The following CNTNAP2 variants were observed in gnomAD, a reference collection of about 807,000 sequenced individuals.
CNTNAP2 encodes contactin associated protein 2, also known as contactin-associated protein-like 2.
Under a neutral mutation model 155.2 loss-of-function variants are expected in CNTNAP2, and 98 were observed. The ratio of observed to expected loss-of-function variants is 0.63; its 90% CI spans 0.54 to 0.75. The LOEUF (loss-of-function observed/expected upper bound fraction) is 0.75, where lower values mean the gene tolerates loss of function less well. Ranked by LOEUF, CNTNAP2 falls within the 30% of genes least tolerant of loss-of-function variation. The pLI is 0.00. For missense variants in CNTNAP2, 1,727 were observed against 1,688.1 expected (o/e 1.02, Z -0.40); for synonymous variants, 651 against 631.2 (o/e 1.03, Z -0.47).
chr7:148,357,456 A>C (rs1798538697), intron 21 of CNTNAP2, among the ~76,000 whole-genome samples: 2 of 152,114 alleles, frequency 1.3e-5, no homozygotes, highest in Admixed American at 1.3e-4. Context: ...GTTTTGTGAA[A>C]GGCCCATCTC....
chr7:146,178,756 T>A (rs1798508287), intron 1 of CNTNAP2, among the ~76,000 whole-genome samples: 1 of 152,180 alleles, frequency 6.6e-6, no homozygotes, highest in Non-Finnish European at 1.5e-5. Context: ...CACCTACAGG[T>A]AGAATGAAGA....
chr7:146,745,410 A>T (rs1801792185), intron 1 of CNTNAP2, among the ~76,000 whole-genome samples: 2 of 152,156 alleles, frequency 1.3e-5, no homozygotes, highest in South Asian at 4.1e-4. Flanking sequence ...GAGGATCACA[A>T]AGTCAGTGGG....
intron 11 of CNTNAP2, among the ~76,000 whole-genome samples, chr7:147,522,353 C>A (rs753807127): frequency 6.6e-6 from 1 of 152,036 alleles, no homozygotes; most frequent in Non-Finnish European, 1.5e-5. Context: ...TAACTATTAT[C>A]CAAACCTTCC....
intron 1 of CNTNAP2, among the ~76,000 whole-genome samples, chr7:146,354,411 A>ATTTTTTTTT (rs10641636): frequency 3.7e-5 from 5 of 135,320 alleles, no homozygotes; most frequent in African/African-American, 2.8e-5. Context: ...TCTTGTTAGT[A>ATTTTTTTTT]TTTTTTTTTT....
intron 3 of CNTNAP2, among the ~76,000 whole-genome samples, chr7:146,892,583 C>T (rs1444236808): frequency 6.6e-6 from 1 of 152,152 alleles, no homozygotes; most frequent in Non-Finnish European, 1.5e-5. Context: ...ATTTAGCCAA[C>T]ATGCATCAAA....
rs1414667126 is a variant in CNTNAP2 at position 146,875,115 on chromosome 7, A to G, written c.402+35211A>G. Among the ~76,000 whole-genome samples the G allele has an allele frequency of 2.6e-5, 4 of 152,204 alleles. No individual in the cohort carries two copies. The East Asian group carries it at 7.7e-4, about 29-fold the overall frequency. On this transcript the variant is annotated intron_variant, in intron 3 of 23. Transcript: ENST00000361727. ...ATATATTGACATGAAAGACAGACAT[A>G]GGCTGAAAGGCAAAGACAGGCTCTA...
chr7:147,866,876 C>T (rs976704352), intron 13 of CNTNAP2, among the ~76,000 whole-genome samples: 12 of 152,192 alleles, frequency 7.9e-5, no homozygotes, highest in East Asian at 5.8e-4. Context: ...GAATACAGCA[C>T]GCTGATAGGT....
intron 1 of CNTNAP2, among the ~76,000 whole-genome samples, chr7:146,603,897 C>T (rs1333504034): frequency 7.1e-6 from 1 of 141,444 alleles, no homozygotes; most frequent in African/African-American, 2.7e-5. Flanking sequence ...TGGATCCCTC[C>T]CTTACACCTT....
At chr7:148,117,404 A>C (rs1014302674) in intron 15 of CNTNAP2, among the ~76,000 whole-genome samples, 2 of 152,168 alleles carry the variant, frequency 1.3e-5, no homozygotes, top group Admixed American at 6.6e-5. Context: ...GCCCTAGCCT[A>C]GTCTGGTCAC....
intron 1 of CNTNAP2, among the ~76,000 whole-genome samples, chr7:146,444,814 T>C (rs1724476): frequency 0.43 from 65,280 of 151,586 alleles, 16,976 homozygotes; most frequent in African/African-American, 0.73. Context: ...CCTGCCACCA[T>C]GCCTGGCTAA....
At chr7:146,701,410 C>T (rs568020445) in intron 1 of CNTNAP2, among the ~76,000 whole-genome samples, 1 of 152,148 alleles carries the variant, frequency 6.6e-6, no homozygotes, top group South Asian at 2.1e-4. Flanking sequence ...GGGCCAATGC[C>T]CATACTCTAC....
chr7:147,647,082 G>A (rs1305911864), intron 13 of CNTNAP2, among the ~76,000 whole-genome samples: 9 of 151,490 alleles, frequency 5.9e-5, no homozygotes, highest in Non-Finnish European at 8.8e-5. Flanking sequence ...CTGGGTTCAA[G>A]TGATTCGTGA....
intron 8 of CNTNAP2, among the ~76,000 whole-genome samples, chr7:147,153,814 CTG>C (rs1342890734): frequency 6.6e-6 from 1 of 152,092 alleles, no homozygotes; most frequent in Non-Finnish European, 1.5e-5. Flanking sequence ...CATTCTGACT[CTG>C]TGCTAAAAGG....
At chr7:146,819,840 G>C (rs183138596) in intron 2 of CNTNAP2, among the ~76,000 whole-genome samples, 1 of 151,906 alleles carries the variant, frequency 6.6e-6, no homozygotes, top group African/African-American at 2.4e-5. Flanking sequence ...TGCCATAGTC[G>C]CCAGGAGCTC....
chr7:147,584,520 A>G (rs568266132), intron 12 of CNTNAP2, among the ~76,000 whole-genome samples: 11 of 152,340 alleles, frequency 7.2e-5, no homozygotes, highest in African/African-American at 2.6e-4. Flanking sequence ...GGAAAAATTA[A>G]AGCTGTTGAT....
intron 19 of CNTNAP2, among the ~76,000 whole-genome samples, chr7:148,219,898 T>C (rs970310508): frequency 1.3e-5 from 2 of 152,132 alleles, no homozygotes; most frequent in Non-Finnish European, 2.9e-5. Flanking sequence ...TCAAGATTTT[T>C]CCCATGGGAG....
intron 14 of CNTNAP2, among the ~76,000 whole-genome samples, chr7:147,934,386 C>G (rs758812458): frequency 6.6e-6 from 1 of 152,142 alleles, no homozygotes; most frequent in Non-Finnish European, 1.5e-5. Context: ...AGAGAGAGAA[C>G]TTGTGCAGGG....
chr7:147,546,961 A>G (rs1188196415), intron 11 of CNTNAP2, among the ~76,000 whole-genome samples: 1 of 152,188 alleles, frequency 6.6e-6, no homozygotes. Context: ...GGCAAGAAGC[A>G]AGAGGAACAG....
intron 1 of CNTNAP2, among the ~76,000 whole-genome samples, chr7:146,468,265 A>G (rs1796744237): frequency 6.6e-6 from 1 of 152,150 alleles, no homozygotes; most frequent in African/African-American, 2.4e-5. Flanking sequence ...GATGGAGACA[A>G]TAAAGTGACG....
Sources: gnomAD v4.1 joint callset for allele counts (sites outside exome capture counted in the v4.1 genomes callset) on GRCh38, gnomAD v4.1.1 for gene constraint, MANE v1.5 for transcripts, NCBI Gene and HGNC (gene_info 2026-07-23, HGNC 2026-07-21) for gene names.